Variants in SLC60A1 observed in about 807,000 individuals in gnomAD.
SLC60A1 encodes the protein major facilitator superfamily domain containing 4.
At chr1:205,582,121 C>T in the SLC60A1 span, among the ~76,000 whole-genome samples, 1 of 152,298 alleles carries the variant, frequency 6.6e-6, no homozygotes, top group African/African-American at 2.4e-5. Context: ...CAGCCCATGC[C>T]CATCCATTGT....
At chr1:205,579,380 C>A in the SLC60A1 span, among the ~76,000 whole-genome samples, 2 of 152,152 alleles carry the variant, frequency 1.3e-5, no homozygotes, top group African/African-American at 4.8e-5. Context: ...CGGTTGCATG[C>A]CTATGACACA....
the SLC60A1 span, chr1:205,579,816 T>C: frequency 2.5e-6 from 4 of 1,613,994 alleles, no homozygotes; most frequent in Non-Finnish European, 3.4e-6. Flanking sequence ...TTTGCCGTCA[T>C]CCCCTTCTGC....
the SLC60A1 span, among the ~76,000 whole-genome samples, chr1:205,580,365 A>C: frequency 6.6e-6 from 1 of 152,236 alleles, no homozygotes; most frequent in East Asian, 1.9e-4. The surrounding 1 kb of genome is among the most constrained non-coding windows in gnomAD (Gnocchi z 5.0). Flanking sequence ...CATGGTGATC[A>C]GTCCCAGCTG....
At chr1:205,593,416 A>AGCCGAAATCCAGCCACT in the SLC60A1 span, among the ~76,000 whole-genome samples, 1 of 74,724 alleles carries the variant, frequency 1.3e-5, no homozygotes, top group Non-Finnish European at 2.7e-5. Context: ...GCTTGCAGTG[A>AGCCGAAATCCAGCCACT]GCACTCCAGC....
At chr1:205,573,039 G>A in the SLC60A1 span, among the ~76,000 whole-genome samples, 8,667 of 152,126 alleles carry the variant, frequency 0.057, 443 homozygotes, top group South Asian at 0.2. Flanking sequence ...GAGGTGGGAC[G>A]CTCGCTTGAG....
chr1:205,578,862 C>A, the SLC60A1 span, among the ~76,000 whole-genome samples: 1 of 152,172 alleles, frequency 6.6e-6, no homozygotes, highest in Admixed American at 6.5e-5. Flanking sequence ...GCTGCCCAAT[C>A]TCTCCTCTCT....
the SLC60A1 span, chr1:205,584,170 TTCCTTG>T: frequency 6.4e-7 from 1 of 1,574,070 alleles, no homozygotes; most frequent in Non-Finnish European, 8.6e-7. Context: ...ATGTTGAGGC[TTCCTTG>T]GTAACCCCTC....
chr1:205,592,283 C>T, the SLC60A1 span: 2 of 1,613,118 alleles, frequency 1.2e-6, no homozygotes, highest in East Asian at 2.2e-5. Context: ...CGCTGCAGTA[C>T]AAAGGTGAGG....
chr1:205,584,547 T>TAA, the SLC60A1 span, among the ~76,000 whole-genome samples: 12 of 92,910 alleles, frequency 1.3e-4, no homozygotes, highest in South Asian at 2.9e-3. Flanking sequence ...CTTTTTTTTT[T>TAA]TAAAAAAAAA....
the SLC60A1 span, among the ~76,000 whole-genome samples, chr1:205,582,965 T>C: frequency 2.6e-4 from 40 of 152,162 alleles, 1 homozygote; most frequent in Admixed American, 2.3e-3. Context: ...ATCTCTATCC[T>C]ATGCCTCTCC....
At chr1:205,576,101 C>T in the SLC60A1 span, among the ~76,000 whole-genome samples, 1 of 152,102 alleles carries the variant, frequency 6.6e-6, no homozygotes, top group Non-Finnish European at 1.5e-5. Context: ...GTGAGTGGGG[C>T]GGGGGACAAG....
chr1:205,593,577 A>G, the SLC60A1 span, among the ~76,000 whole-genome samples: 1 of 152,246 alleles, frequency 6.6e-6, no homozygotes, highest in African/African-American at 2.4e-5. Context: ...GATCCTTGAA[A>G]TTGAAGGATA....
the SLC60A1 span, among the ~76,000 whole-genome samples, chr1:205,591,533 A>G: frequency 1.3e-5 from 2 of 151,362 alleles, no homozygotes; most frequent in African/African-American, 4.9e-5. Flanking sequence ...TGGGTCTCCA[A>G]CCATAGGTTA....
chr1:205,594,517 G>A, the SLC60A1 span, among the ~76,000 whole-genome samples: 20 of 152,084 alleles, frequency 1.3e-4, no homozygotes, highest in African/African-American at 2.9e-4. Flanking sequence ...TTAGCTAGGC[G>A]TGGTGGCAGG....
the SLC60A1 span, among the ~76,000 whole-genome samples, chr1:205,594,839 T>C: frequency 6.6e-6 from 1 of 152,234 alleles, no homozygotes; most frequent in Non-Finnish European, 1.5e-5. Flanking sequence ...GGTCTTGGCT[T>C]GTCTCCTTGT....
chr1:205,580,243 G>C, the SLC60A1 span, among the ~76,000 whole-genome samples: 1 of 152,020 alleles, frequency 6.6e-6, no homozygotes, highest in South Asian at 2.1e-4. This position sits in a 1 kb window ranked among gnomAD's most constrained non-coding sequence, Gnocchi z 5.0. Flanking sequence ...TCCTTTCTTC[G>C]TCTTTCTCCC....
chr1:205,597,643 A>G, the SLC60A1 span: 24 of 790,338 alleles, frequency 3.0e-5, no homozygotes, highest in African/African-American at 3.9e-4. Context: ...AGATCCTCCC[A>G]CTTCTGACTC....
the SLC60A1 span, among the ~76,000 whole-genome samples, chr1:205,577,363 A>C: frequency 2.0e-5 from 3 of 152,192 alleles, no homozygotes; most frequent in East Asian, 5.8e-4. The surrounding 1 kb of genome is among the most constrained non-coding windows in gnomAD (Gnocchi z 5.2). Context: ...GTCACTAGCC[A>C]CGTCCAGGAA....
At chr1:205,590,104 A>G in the SLC60A1 span, among the ~76,000 whole-genome samples, 1 of 152,202 alleles carries the variant, frequency 6.6e-6, no homozygotes, top group Non-Finnish European at 1.5e-5. Flanking sequence ...TCATCCAGGG[A>G]CTGACTATAT....
Sources: gnomAD v4.1 joint callset for allele counts (sites outside exome capture counted in the v4.1 genomes callset) on GRCh38, gnomAD v4.1.1 for gene constraint, Gnocchi (gnomAD v3.1) non-coding constraint, MANE v1.5 for transcripts, NCBI Gene and HGNC (gene_info 2026-07-23, HGNC 2026-07-21) for gene names.